Variants in CBX1 observed in about 807,000 individuals in gnomAD.
CBX1 encodes chromobox 1.
A neutral mutation model predicts 25.1 loss-of-function variants in CBX1; 10 were observed. The ratio of observed to expected loss-of-function variants is 0.40; its 90% CI spans 0.25 to 0.68. CBX1 has a LOEUF of 0.68. CBX1 is among the 30% of genes least tolerant of loss of function. CBX1 has a pLI of 0.40. For synonymous variants in CBX1, 63 were observed against 79.4 expected (o/e 0.79, Z 1.10); for missense variants, 106 against 218.5 (o/e 0.49, Z 3.25).
intron 4 of CBX1, among the ~76,000 whole-genome samples, chr17:48,072,506 G>C (rs1380482453): frequency 6.6e-6 from 1 of 152,164 alleles, no homozygotes; most frequent in African/African-American, 2.4e-5. Flanking sequence ...GTTTTCAAGT[G>C]GCTGGCCGCA....
At chr17:48,092,291 GATC>G (rs1316836753) in intron 1 of CBX1, among the ~76,000 whole-genome samples, 1 of 150,862 alleles carries the variant, frequency 6.6e-6, no homozygotes, top group African/African-American at 2.4e-5. Context: ...TGCCCGACCA[GATC>G]TTCTACCTTT....
intron 1 of CBX1, among the ~76,000 whole-genome samples, chr17:48,097,691 A>T (rs1256151877): frequency 6.6e-6 from 1 of 152,118 alleles, no homozygotes; most frequent in Non-Finnish European, 1.5e-5. Context: ...TAAAAGGCAC[A>T]ATTTCACAGA....
At chr17:48,092,060 G>A (rs1445522208) in intron 1 of CBX1, among the ~76,000 whole-genome samples, 2 of 122,784 alleles carry the variant, frequency 1.6e-5, no homozygotes, top group Admixed American at 1.1e-4. Context: ...GTGCCATCTT[G>A]ACTCACCACA....
chr17:48,070,304 A>G lies in CBX1; in HGVS notation c.*1131T>C, dbSNP rs375069838. On this transcript the variant is annotated 3_prime_UTR_variant, in exon 5 of 5. Transcript: ENST00000225603. ...TGTGTATGTGTGTGTTTTAAAGTGA[A>G]CCACTGCCCAATATGAAAGTTTAAT... The G allele has an allele frequency of 2.0e-5, 3 of 152,760 alleles. No homozygotes were observed. In the East Asian group the frequency reaches 5.8e-4, roughly 29 times the overall value. The allele number at this position is 152,760 out of a possible 1,614,324, so 9.5% of individuals were successfully genotyped here. A position where few individuals can be genotyped will look rare whatever the true frequency, so the allele number is the denominator to read the frequency against.
intron 1 of CBX1, among the ~76,000 whole-genome samples, chr17:48,086,285 A>C (rs919741432): frequency 1.4e-4 from 21 of 152,342 alleles, no homozygotes; most frequent in African/African-American, 4.6e-4. Context: ...TGCAGAAGGC[A>C]GTAACATAAC....
chr17:48,072,616 C>G (rs897480112), intron 4 of CBX1, among the ~76,000 whole-genome samples: 1 of 151,874 alleles, frequency 6.6e-6, no homozygotes, highest in African/African-American at 2.4e-5. Context: ...AACCCTGTCT[C>G]TACTAAAAAT....
intron 1 of CBX1, among the ~76,000 whole-genome samples, chr17:48,087,609 C>T (rs1263944432): frequency 1.3e-5 from 2 of 151,998 alleles, no homozygotes. Context: ...CGCAGTGGCT[C>T]ATGCCTGTAA....
intron 1 of CBX1, among the ~76,000 whole-genome samples, chr17:48,096,015 G>A (rs2063373265): frequency 6.6e-6 from 1 of 152,114 alleles, no homozygotes; most frequent in Non-Finnish European, 1.5e-5. Flanking sequence ...CGAGTCACTG[G>A]GATTACAGGC....
chr17:48,099,713 A>T (rs1026759917), intron 1 of CBX1, among the ~76,000 whole-genome samples: 1 of 152,120 alleles, frequency 6.6e-6, no homozygotes, highest in African/African-American at 2.4e-5. Context: ...AGGCTACTTT[A>T]CCCTGGGCTA....
At chr17:48,075,716 C>A (rs2037669145) in intron 3 of CBX1, among the ~76,000 whole-genome samples, 1 of 152,214 alleles carries the variant, frequency 6.6e-6, no homozygotes, top group African/African-American at 2.4e-5. Flanking sequence ...AGCCACCTCA[C>A]ACCTTTAATG....
At chr17:48,090,184 G>T (rs1013648705) in intron 1 of CBX1, among the ~76,000 whole-genome samples, 1 of 152,022 alleles carries the variant, frequency 6.6e-6, no homozygotes, top group East Asian at 1.9e-4. Context: ...TTACAGGCAC[G>T]AGTCACTGCG....
chr17:48,089,257 C>T (rs1484566029), intron 1 of CBX1, among the ~76,000 whole-genome samples: 2 of 151,252 alleles, frequency 1.3e-5, no homozygotes, highest in Non-Finnish European at 2.9e-5. Context: ...CCTGCCACCA[C>T]GCCCGGCTAA....
At chr17:48,074,757 T>G (rs1168200536) in intron 4 of CBX1, among the ~76,000 whole-genome samples, 1 of 152,128 alleles carries the variant, frequency 6.6e-6, no homozygotes, top group African/African-American at 2.4e-5. Context: ...CTTCCCACAC[T>G]CTTTCCACTC....
chr17:48,096,926 CTATT>C (rs1336174801), intron 1 of CBX1, among the ~76,000 whole-genome samples: 1 of 151,906 alleles, frequency 6.6e-6, no homozygotes, highest in Non-Finnish European at 1.5e-5. Context: ...GTCCCTGCCT[CTATT>C]TATGTGAGAA....
In CBX1 at chr17:48,071,446, C is replaced by A; in HGVS notation, c.547G>T (p.Asp183Tyr). 2 of 1,609,830 alleles carry A rather than the reference C, an allele frequency of 1.2e-6. No homozygotes were observed. Among genetic ancestry groups the A allele is most frequent in the Non-Finnish European group, 1.7e-6 (2 of 1,178,546 alleles). The change falls in exon 5 of 5, where the codon GAC (aspartate) becomes TAC (tyrosine). Residue 183 changes from aspartate (D) to tyrosine (Y), a missense_variant. Asp to Tyr is a radical substitution (Grantham distance 160, BLOSUM62 -3). This residue lies in a region of CBX1 where 71 missense variants were observed against 144.1 expected (regional missense o/e 0.49). Transcript: ENST00000225603. ...GGTACTCAGGAGCGTTAGTTCTTGT[C>A]ATCTTTTTTGTCATCATCCTCCGAG... Reference protein sequence around the residue: ...YPSEDDDKKDDKN With the variant: ...YPSEDDDKKDYKN
chr17:48,094,871 A>G (rs1324520455), intron 1 of CBX1, among the ~76,000 whole-genome samples: 1 of 151,806 alleles, frequency 6.6e-6, no homozygotes, highest in Non-Finnish European at 1.5e-5. Context: ...ACATGGTGAC[A>G]CCCCATATCT....
intron 1 of CBX1, among the ~76,000 whole-genome samples, chr17:48,100,307 C>T (rs2063401522): frequency 6.6e-6 from 1 of 152,156 alleles, no homozygotes; most frequent in Admixed American, 6.6e-5. Flanking sequence ...CACAATCTCT[C>T]ACTACCTCAC....
intron 4 of CBX1, among the ~76,000 whole-genome samples, chr17:48,073,161 G>A (rs1458261912): frequency 2.0e-5 from 3 of 152,034 alleles, no homozygotes; most frequent in Admixed American, 2.0e-4. Context: ...AGGTTATTAG[G>A]AATGTCCTAG....
At chr17:48,089,821 C>T (rs576729669) in intron 1 of CBX1, among the ~76,000 whole-genome samples, 1 of 150,982 alleles carries the variant, frequency 6.6e-6, no homozygotes, top group African/African-American at 2.4e-5. Context: ...GAAACTCTGT[C>T]TCTAAATAAA....
Sources: allele counts gnomAD v4.1 joint callset (sites outside exome capture counted in the v4.1 genomes callset), GRCh38; gene constraint gnomAD v4.1.1; regional missense constraint gnomAD v4.1.1; transcripts MANE v1.5; gene names NCBI Gene and HGNC (gene_info 2026-07-23, HGNC 2026-07-21).